HMGB1: variants seen among roughly 807,000 people sequenced by gnomAD.
HMGB1 encodes the protein high mobility group protein B1.
For synonymous variants in HMGB1, 81 were observed against 84.0 expected (o/e 0.96, Z 0.19); for missense variants, 79 against 253.5 (o/e 0.31, Z 4.67).
chr13:30,463,820 T>G, intron 1 of HMGB1, 126 bp from the exon 2 acceptor site: 1 of 629,276 alleles, frequency 1.6e-6, no homozygotes, highest in South Asian at 2.3e-5. Context: ...TCAACCTCCG[T>G]AAAATCAGAC....
At chr13:30,549,716 T>C (rs975420959) in intron 1 of HMGB1, among the ~76,000 whole-genome samples, 2 of 151,302 alleles carry the variant, frequency 1.3e-5, no homozygotes, top group African/African-American at 4.9e-5. Flanking sequence ...TGTTTGTTTT[T>C]TTTTTTTTGA....
At chr13:30,488,283 A>G (rs974367305) in intron 1 of HMGB1, among the ~76,000 whole-genome samples, 4 of 152,354 alleles carry the variant, frequency 2.6e-5, no homozygotes, top group Middle Eastern at 6.8e-3. Flanking sequence ...AATTTAAACT[A>G]TCACTAAACA....
At chr13:30,560,020 A>T (rs981816662) in intron 1 of HMGB1, among the ~76,000 whole-genome samples, 1 of 152,062 alleles carries the variant, frequency 6.6e-6, no homozygotes, top group African/African-American at 2.4e-5. Context: ...ATTTACCAGA[A>T]TGTGTGTGTA....
chr13:30,479,830 G>C (rs1887187493), intron 1 of HMGB1, among the ~76,000 whole-genome samples: 1 of 152,238 alleles, frequency 6.6e-6, no homozygotes, highest in South Asian at 2.1e-4. Flanking sequence ...GATGTTGGAT[G>C]TTATTATAAT....
intron 1 of HMGB1, among the ~76,000 whole-genome samples, chr13:30,499,119 A>G (rs1230228279): frequency 1.3e-5 from 2 of 151,810 alleles, no homozygotes; most frequent in Non-Finnish European, 2.9e-5. Context: ...TGCCCAGCTA[A>G]TTTTTATATT....
intron 1 of HMGB1, among the ~76,000 whole-genome samples, chr13:30,562,976 A>G (rs1215796721): frequency 2.6e-4 from 39 of 152,242 alleles, no homozygotes; most frequent in Admixed American, 2.6e-3. Flanking sequence ...GATGCCATGT[A>G]AGAGCCAGGT....
chr13:30,581,442 T>C (rs1160626352), intron 1 of HMGB1, among the ~76,000 whole-genome samples: 1 of 152,216 alleles, frequency 6.6e-6, no homozygotes, highest in African/African-American at 2.4e-5. Flanking sequence ...TACGGTCATT[T>C]CCACTCATTT....
chr13:30,519,196 C>A (rs890593415), intron 1 of HMGB1, among the ~76,000 whole-genome samples: 1 of 149,748 alleles, frequency 6.7e-6, no homozygotes, highest in Admixed American at 6.7e-5. Context: ...AGTTCAAGAC[C>A]AGCCTGGCCA....
At chr13:30,512,205 A>C (rs561510985) in intron 1 of HMGB1, among the ~76,000 whole-genome samples, 2 of 152,168 alleles carry the variant, frequency 1.3e-5, no homozygotes, top group African/African-American at 4.8e-5. Context: ...TGCTCTGTAA[A>C]TGAGTGACTG....
chr13:30,519,512 A>G (rs182143515), intron 1 of HMGB1, among the ~76,000 whole-genome samples: 17,318 of 148,396 alleles, frequency 0.12, 1,097 homozygotes, highest in East Asian at 0.19. Flanking sequence ...CGGCTAACAC[A>G]GTGAAACCCT....
chr13:30,604,807 GC>G (rs1487792216), intron 1 of HMGB1, among the ~76,000 whole-genome samples: 1 of 152,114 alleles, frequency 6.6e-6, no homozygotes, highest in Non-Finnish European at 1.5e-5. Flanking sequence ...ACGGGCGCGT[GC>G]CACCACACCC....
intron 1 of HMGB1, among the ~76,000 whole-genome samples, chr13:30,531,220 C>A (rs1195884624): frequency 2.6e-5 from 4 of 152,108 alleles, no homozygotes; most frequent in South Asian, 2.1e-4. Context: ...TTAGGATGAG[C>A]TTAAATTGCT....
At chr13:30,485,228 A>G (rs756571351) in intron 1 of HMGB1, among the ~76,000 whole-genome samples, 7 of 152,054 alleles carry the variant, frequency 4.6e-5, no homozygotes, top group Non-Finnish European at 8.8e-5. Context: ...GAAGGGTTTC[A>G]CCATGTTGGT....
At chr13:30,565,587 AT>A (rs1870152359) in intron 1 of HMGB1, among the ~76,000 whole-genome samples, 5 of 152,226 alleles carry the variant, frequency 3.3e-5, no homozygotes, top group African/African-American at 7.2e-5. Context: ...TTTTTAACGC[AT>A]AAGCAAATCA....
chr13:30,599,175 C>T (rs17074767), intron 1 of HMGB1, among the ~76,000 whole-genome samples: 11,903 of 152,176 alleles, frequency 0.078, 623 homozygotes, highest in South Asian at 0.21. Flanking sequence ...GCTGTCGTAA[C>T]GTAACACTAC....
chr13:30,552,995 A>G (rs1869498296), intron 1 of HMGB1, among the ~76,000 whole-genome samples: 1 of 152,214 alleles, frequency 6.6e-6, no homozygotes. Flanking sequence ...TCAGATATGG[A>G]CAATCTGGAA....
At chr13:30,547,728 C>A (rs1474047317) in intron 1 of HMGB1, among the ~76,000 whole-genome samples, 1 of 151,900 alleles carries the variant, frequency 6.6e-6, no homozygotes, top group East Asian at 1.9e-4. Flanking sequence ...ACCAGCCTGG[C>A]CAATGTGGTG....
At chr13:30,490,285 C>T (rs1219655001) in intron 1 of HMGB1, among the ~76,000 whole-genome samples, 1 of 152,060 alleles carries the variant, frequency 6.6e-6, no homozygotes, top group Non-Finnish European at 1.5e-5. Context: ...TAGGTCTTGG[C>T]TCTACAAAGA....
chr13:30,560,374 G>C (rs1308482650), intron 1 of HMGB1, among the ~76,000 whole-genome samples: 1 of 152,180 alleles, frequency 6.6e-6, no homozygotes, highest in Non-Finnish European at 1.5e-5. Flanking sequence ...GGTAGCCTTA[G>C]CGAGAACAAT....
Sources: allele counts gnomAD v4.1 joint callset (sites outside exome capture counted in the v4.1 genomes callset), GRCh38; gene constraint gnomAD v4.1.1; transcripts MANE v1.5; gene names NCBI Gene and HGNC (gene_info 2026-07-23, HGNC 2026-07-21).